Variants in SCAI observed in about 807,000 individuals in gnomAD.
The protein encoded by SCAI is protein SCAI.
SCAI carries 24 observed loss-of-function variants against 92.2 expected under a neutral mutation model. The observed-to-expected ratio is 0.26, with a 90% CI of 0.19 to 0.37. The LOEUF (loss-of-function observed/expected upper bound fraction) is 0.37, where lower values mean the gene tolerates loss of function less well. SCAI is among the 10% of genes least tolerant of loss of function. SCAI has a pLI of 1.00. For synonymous variants in SCAI, 261 were observed against 258.6 expected (o/e 1.01, Z -0.09); for missense variants, 450 against 736.2 (o/e 0.61, Z 4.50).
At chr9:125,087,623 T>C (rs1834348123) in intron 2 of SCAI, among the ~76,000 whole-genome samples, 1 of 152,234 alleles carries the variant, frequency 6.6e-6, no homozygotes, top group Non-Finnish European at 1.5e-5. Context: ...TAGAAAAAAG[T>C]ACTTGCGGCA....
At chr9:125,020,555 T>C (rs1832851562) in intron 7 of SCAI, 118 bp downstream of exon 7, 5 of 547,284 alleles carry the variant, frequency 9.1e-6, no homozygotes, top group Admixed American at 4.1e-5. Flanking sequence ...TTACTATACT[T>C]TGAATATTGT....
intron 3 of SCAI, among the ~76,000 whole-genome samples, chr9:125,053,224 T>C (rs613288): frequency 0.98 from 149,114 of 152,184 alleles, 73,119 homozygotes; most frequent in East Asian, 1. Context: ...ATTTCAGCTA[T>C]TCGGGAGGCT....
chr9:125,106,651 A>G (rs1006684140), intron 2 of SCAI, among the ~76,000 whole-genome samples: 1 of 152,014 alleles, frequency 6.6e-6, no homozygotes, highest in Non-Finnish European at 1.5e-5. Context: ...TTCAAGTTAC[A>G]ATCTCTCTCA....
intron 11 of SCAI, 81 bp from the exon 12 acceptor site, chr9:125,002,124 A>C: frequency 1.0e-6 from 1 of 960,272 alleles, no homozygotes; most frequent in East Asian, 2.4e-5. Context: ...ATGACATCTT[A>C]AAGTTGTGAA....
intron 17 of SCAI, among the ~76,000 whole-genome samples, chr9:124,960,718 C>A (rs1313464523): frequency 6.6e-6 from 1 of 152,190 alleles, no homozygotes; most frequent in African/African-American, 2.4e-5. Context: ...ATGATGCTAT[C>A]TTGTACAAAT....
intron 3 of SCAI, among the ~76,000 whole-genome samples, chr9:125,043,768 G>A (rs1445755595): frequency 1.3e-5 from 2 of 152,212 alleles, no homozygotes; most frequent in East Asian, 3.8e-4. Flanking sequence ...TTATGATGGT[G>A]GTGGCAGCCC....
At chr9:124,999,552 A>AT (rs1244631307) in intron 13 of SCAI, among the ~76,000 whole-genome samples, 1 of 152,134 alleles carries the variant, frequency 6.6e-6, no homozygotes, top group Non-Finnish European at 1.5e-5. Flanking sequence ...AAAAGTTCGT[A>AT]TTGATGTTAC....
intron 17 of SCAI, among the ~76,000 whole-genome samples, chr9:124,968,097 CA>C (rs1831575088): frequency 6.6e-6 from 1 of 151,810 alleles, no homozygotes; most frequent in Non-Finnish European, 1.5e-5. Context: ...ACAATTAATC[CA>C]AAAAAATCTT....
chr9:125,031,347 C>T (rs555722210), intron 3 of SCAI, among the ~76,000 whole-genome samples: 7 of 151,942 alleles, frequency 4.6e-5, no homozygotes, highest in East Asian at 3.9e-4. Context: ...CTGCAAGCTC[C>T]TCCTCCCAGG....
chr9:125,142,019 T>C (rs1835678389), intron 2 of SCAI, among the ~76,000 whole-genome samples: 1 of 152,148 alleles, frequency 6.6e-6, no homozygotes, highest in Non-Finnish European at 1.5e-5. Context: ...CAGCCTTGAC[T>C]TCCTGGGCTC....
intron 2 of SCAI, among the ~76,000 whole-genome samples, chr9:125,119,145 C>G (rs1433255669): frequency 1.3e-5 from 2 of 152,122 alleles, no homozygotes; most frequent in African/African-American, 4.8e-5. Context: ...GATCCCATCT[C>G]TATTGTTGGC....
chr9:125,004,107 C>T (rs1328326800), intron 9 of SCAI, among the ~76,000 whole-genome samples: 2 of 151,924 alleles, frequency 1.3e-5, no homozygotes, highest in Non-Finnish European at 2.9e-5. Flanking sequence ...ACCCAGGAGG[C>T]GGAGGTTGCA....
intron 2 of SCAI, among the ~76,000 whole-genome samples, chr9:125,111,057 G>C (rs556788321): frequency 5.9e-5 from 9 of 152,274 alleles, no homozygotes; most frequent in African/African-American, 2.2e-4. Context: ...GGAAAATCTT[G>C]ATGTCCAAAC....
At chr9:125,012,163 T>C (rs1225297988) in intron 9 of SCAI, among the ~76,000 whole-genome samples, 2 of 152,014 alleles carry the variant, frequency 1.3e-5, no homozygotes, top group African/African-American at 2.4e-5. Flanking sequence ...AATGACAGGA[T>C]CAAATTCACA....
intron 3 of SCAI, among the ~76,000 whole-genome samples, chr9:125,046,468 A>G (rs755042099): frequency 6.7e-6 from 1 of 148,704 alleles, no homozygotes; most frequent in Non-Finnish European, 1.5e-5. Context: ...AAAACCAAAC[A>G]TCATGTGTTC....
At chr9:125,097,462 G>A (rs1479522500) in intron 2 of SCAI, among the ~76,000 whole-genome samples, 3 of 152,024 alleles carry the variant, frequency 2.0e-5, no homozygotes, top group Non-Finnish European at 4.4e-5. Context: ...AGAAAAAAAA[G>A]TAAATAAATT....
At position 125,003,455 on chromosome 9, in the gene SCAI, A is replaced by T; in HGVS notation, c.963+14T>A. ...GAGGGTTACCAAACTTGCAAATGTA[A>T]AAGAGGAGATTACCTGCATTCCTGG... On this transcript the variant is annotated intron_variant, in intron 10 of 17. Transcript: ENST00000336505. 6.4e-7 allele frequency: 1 copy of T among 1,568,176 alleles called. No homozygotes were observed. The highest frequency in any genetic ancestry group is 8.8e-7 in the Non-Finnish European group (1 of 1,138,446).
intron 2 of SCAI, among the ~76,000 whole-genome samples, chr9:125,078,493 A>T (rs1041887628): frequency 1.3e-4 from 20 of 152,112 alleles, no homozygotes; most frequent in African/African-American, 4.8e-4. Flanking sequence ...ACGCCACTGC[A>T]CTCCAGCTTG....
At chr9:125,047,680 A>G (rs981571339) in intron 3 of SCAI, among the ~76,000 whole-genome samples, 3 of 152,202 alleles carry the variant, frequency 2.0e-5, no homozygotes, top group African/African-American at 7.2e-5. Flanking sequence ...ACTGGGAGGA[A>G]TTTTGCCTGA....
Sources: gnomAD v4.1 joint callset for allele counts (sites outside exome capture counted in the v4.1 genomes callset) on GRCh38, gnomAD v4.1.1 for gene constraint, MANE v1.5 for transcripts, NCBI Gene and HGNC (gene_info 2026-07-23, HGNC 2026-07-21) for gene names.